The following TRIM66 variants were observed in gnomAD, a reference collection of about 807,000 sequenced individuals.
The protein encoded by TRIM66 is tripartite motif-containing protein 66.
Under a neutral mutation model 148.2 loss-of-function variants are expected in TRIM66, and 99 were observed. The ratio of observed to expected loss-of-function variants is 0.67; its 90% CI spans 0.57 to 0.79. TRIM66 has a LOEUF of 0.79. Among genes scored for constraint, TRIM66 ranks in the 30% least tolerant of loss-of-function variants. The pLI, the probability that TRIM66 is intolerant of heterozygous loss-of-function variation, is 0.00. For synonymous variants in TRIM66, 616 were observed against 635.9 expected (o/e 0.97, Z 0.47); for missense variants, 1,666 against 1,697.9 (o/e 0.98, Z 0.33).
At chr11:8,632,692 C>T (rs1174893205) in intron 15 of TRIM66, among the ~76,000 whole-genome samples, 2 of 152,076 alleles carry the variant, frequency 1.3e-5, no homozygotes, top group Non-Finnish European at 2.9e-5. Context: ...AAATCCTGAC[C>T]TCCAGTGACC....
At chr11:8,655,484 C>T (rs141607996) in intron 6 of TRIM66, among the ~76,000 whole-genome samples, 5 of 152,014 alleles carry the variant, frequency 3.3e-5, no homozygotes, top group African/African-American at 7.2e-5. Context: ...AGCAGCCAGA[C>T]GTTTTTTTTT....
intron 4 of TRIM66, among the ~76,000 whole-genome samples, chr11:8,673,758 A>G (rs1012403689): frequency 3.9e-5 from 6 of 152,250 alleles, no homozygotes; most frequent in Non-Finnish European, 1.5e-5. Context: ...TAGTTGTATA[A>G]CAGCTAAAAG....
chr11:8,640,712 G>C lies in TRIM66; in HGVS notation c.1663C>G (p.Pro555Ala), dbSNP rs751351577. The change falls in exon 14 of 25, where the codon CCC (proline) becomes GCC (alanine). Residue 555 changes from proline (P) to alanine (A), a missense_variant. Physicochemically the swap from Pro to Ala is conservative, Grantham distance 27. Coordinates refer to ENST00000646038, the MANE Select transcript of TRIM66 (RefSeq NM_001388022.1). ...TCCTGTGGGGGGACAATGCACACGG[G>C]CTGGGAAGTCAGCTGCTGCCCCAGC... ...QRLGQQLTSQ[P>A]VCIVPPQDVQ... is the part of the protein sequence containing the mutation. The C allele has an allele frequency of 5.5e-5, 86 of 1,551,482 alleles. No homozygotes were observed. Among genetic ancestry groups the C allele is most frequent in the Non-Finnish European group, 6.5e-5 (74 of 1,146,990 alleles).
At chr11:8,675,295 GA>G (rs2039123521) in intron 3 of TRIM66, among the ~76,000 whole-genome samples, 1 of 152,218 alleles carries the variant, frequency 6.6e-6, no homozygotes, top group South Asian at 2.1e-4. Context: ...TTGAACGCTT[GA>G]ATTTTATCAT....
intron 15 of TRIM66, among the ~76,000 whole-genome samples, chr11:8,629,846 G>T (rs917519241): frequency 2.0e-5 from 3 of 152,174 alleles, no homozygotes; most frequent in African/African-American, 4.8e-5. Flanking sequence ...TGAAGCTCTG[G>T]TAGTATTAAC....
At chr11:8,648,590 T>C (rs2037072211) in intron 8 of TRIM66, 42 bp from the exon 9 acceptor site, 5 of 1,549,038 alleles carry the variant, frequency 3.2e-6, no homozygotes, top group South Asian at 1.2e-5. Context: ...CTTGCTCAGG[T>C]AGACAAACCT....
intron 13 of TRIM66, among the ~76,000 whole-genome samples, chr11:8,642,628 C>A (rs1359548086): frequency 1.3e-5 from 2 of 152,058 alleles, no homozygotes; most frequent in Non-Finnish European, 2.9e-5. Context: ...TGTGCCCACA[C>A]GTGTATACCT....
Position 8,612,122 on chromosome 11 carries a change from C to T in TRIM66, c.*5822G>A, listed in dbSNP as rs1187748250. On this transcript the variant is annotated 3_prime_UTR_variant, in exon 25 of 25. Transcript: ENST00000646038. Reference sequence around the variant, plus strand: ...TCAGCTATACTTCCCTTTAAAATATCCTCCCTCATGCCCCAACCGCTTAGA... The same window carrying T: ...TCAGCTATACTTCCCTTTAAAATATTCTCCCTCATGCCCCAACCGCTTAGA... 1.3e-5 allele frequency: 2 copies of T among 152,110 alleles called. No homozygotes were observed. Among genetic ancestry groups the T allele is most frequent in the Non-Finnish European group, 2.9e-5 (2 of 68,006 alleles). 9.4% of individuals were successfully genotyped at this position (152,110 alleles called of 1,614,324 possible).
At chr11:8,676,212 T>C (rs1426531303) in intron 3 of TRIM66, among the ~76,000 whole-genome samples, 1 of 151,974 alleles carries the variant, frequency 6.6e-6, no homozygotes, top group African/African-American at 2.4e-5. Flanking sequence ...TCATCATGGA[T>C]GGACATTCTT....
chr11:8,654,849 T>TTTTG (rs2037673465), intron 6 of TRIM66, among the ~76,000 whole-genome samples: 2 of 152,118 alleles, frequency 1.3e-5, no homozygotes, highest in South Asian at 4.1e-4. Context: ...TGCATTTCTG[T>TTTTG]TTTGTTTTTG....
In TRIM66 at chr11:8,629,439, G is replaced by A. The variant is rs1002059264; in HGVS notation, c.2311-4211C>T. Among the ~76,000 whole-genome samples the A allele has an allele frequency of 2.0e-5, 3 of 152,158 alleles. No individual in the cohort carries two copies. The East Asian group carries it at 5.8e-4, about 29-fold the overall frequency. ...TGAGATCCTTGTTGCCAAGCATTAA[G>A]AGCACTAAAATCCACGTGAGACCAC... On this transcript the variant is annotated intron_variant, in intron 15 of 24. Transcript: ENST00000646038.
intron 13 of TRIM66, among the ~76,000 whole-genome samples, chr11:8,641,822 T>C (rs1222804266): frequency 1.3e-5 from 2 of 152,112 alleles, no homozygotes; most frequent in Non-Finnish European, 2.9e-5. Context: ...TGAGACCTGA[T>C]TTCTTTAAAG....
chr11:8,627,696 T>G (rs2034986932), intron 15 of TRIM66, among the ~76,000 whole-genome samples: 1 of 152,252 alleles, frequency 6.6e-6, no homozygotes, highest in African/African-American at 2.4e-5. Context: ...CTCTTTATTG[T>G]TTGTGTACTG....
intron 8 of TRIM66, among the ~76,000 whole-genome samples, 161 bp from the exon 9 acceptor site, chr11:8,648,709 G>A (rs1422432216): frequency 6.6e-6 from 1 of 152,162 alleles, no homozygotes; most frequent in African/African-American, 2.4e-5. Context: ...GGCACAAGGA[G>A]GATTTTGGGC....
At chr11:8,665,116 TAAAA>T (rs1300205089) in intron 6 of TRIM66, among the ~76,000 whole-genome samples, 1 of 142,986 alleles carries the variant, frequency 7.0e-6, no homozygotes, top group African/African-American at 2.6e-5. Context: ...CATTTTACTT[TAAAA>T]AAAAAAAAAC....
chr11:8,682,979 C>A, upstream of TRIM66: 1 of 1,021,968 alleles, frequency 9.8e-7, no homozygotes, highest in South Asian at 1.6e-5. Flanking sequence ...GCGGGGCTCC[C>A]GGAGCCGTGT....
At chr11:8,651,771 C>T (rs766499272) in intron 7 of TRIM66, 29 bp downstream of exon 7, 95 of 1,526,690 alleles carry the variant, frequency 6.2e-5, no homozygotes, top group Non-Finnish European at 8.3e-5. Context: ...TGAAAAAGAT[C>T]AGCTGCTTCT....
upstream of TRIM66, chr11:8,682,809 C>G (rs752928073): frequency 6.2e-7 from 1 of 1,613,146 alleles, no homozygotes; most frequent in Non-Finnish European, 8.5e-7. Flanking sequence ...GTCTGGGCTG[C>G]CAACATGGTA....
At position 8,625,012 on chromosome 11, in the gene TRIM66, T is replaced by A; in HGVS notation, c.2527A>T (p.Ser843Cys). ...QNQAMPSLTT[S>C]HLQTVPSLVH... ...AGGCTGGGCACAGTCTGTAGGTGACTGGTTGTCAGGCTGGGCATGGCCTGG... is the reference window on the plus strand; with the variant it reads ...AGGCTGGGCACAGTCTGTAGGTGACAGGTTGTCAGGCTGGGCATGGCCTGG... Residue 843 changes from serine (S) to cysteine (C), a missense_variant, in exon 16 of 25, where the codon AGT becomes TGT. Physicochemically the swap from Ser to Cys is moderately radical, Grantham distance 112. Transcript: ENST00000646038. 1 of 1,551,710 alleles carries A rather than the reference T, an allele frequency of 6.4e-7. No individual in the cohort carries two copies. The highest frequency in any genetic ancestry group is 1.2e-5 in the South Asian group (1 of 84,064).
Sources: allele counts gnomAD v4.1 joint callset (sites outside exome capture counted in the v4.1 genomes callset), GRCh38; gene constraint gnomAD v4.1.1; transcripts MANE v1.5; gene names NCBI Gene and HGNC (gene_info 2026-07-23, HGNC 2026-07-21).